FLVCR2: variants seen among roughly 807,000 people sequenced by gnomAD.
The protein encoded by FLVCR2 is choline/ethanolamine transporter FLVCR2.
Under a neutral mutation model 48.9 loss-of-function variants are expected in FLVCR2, and 38 were observed. The ratio of observed to expected loss-of-function variants is 0.78; its 90% CI spans 0.60 to 1.02. The LOEUF (loss-of-function observed/expected upper bound fraction) is 1.02, where lower values mean the gene tolerates loss of function less well. Among genes scored for constraint, FLVCR2 ranks in the 50% least tolerant of loss-of-function variants. The pLI, the probability that FLVCR2 is intolerant of heterozygous loss-of-function variation, is 0.00. For missense variants in FLVCR2, 664 were observed against 663.3 expected (o/e 1.00, Z -0.01); for synonymous variants, 255 against 257.0 (o/e 0.99, Z 0.07).
At chr14:75,596,253 C>CTGCTT in intron 1 of FLVCR2, 1 of 593,656 alleles carries the variant, frequency 1.7e-6, no homozygotes, top group Non-Finnish European at 3.0e-6. Context: ...GCATGACTGT[C>CTGCTT]TGCTTTCTAG....
chr14:75,629,279 G>T (rs1239470652), intron 3 of FLVCR2, among the ~76,000 whole-genome samples: 1 of 152,040 alleles, frequency 6.6e-6, no homozygotes, highest in African/African-American at 2.4e-5. Flanking sequence ...TTTATACTAA[G>T]AACTATTATT....
intron 1 of FLVCR2, among the ~76,000 whole-genome samples, chr14:75,591,240 G>T (rs1353843802): frequency 6.6e-6 from 1 of 152,032 alleles, no homozygotes; most frequent in Admixed American, 6.5e-5. Flanking sequence ...ACGGAGTTTC[G>T]CCATGTTGCC....
At chr14:75,599,326 A>ACCC (rs397966103) in intron 1 of FLVCR2, among the ~76,000 whole-genome samples, 220 of 148,220 alleles carry the variant, frequency 1.5e-3, no homozygotes, top group African/African-American at 5.3e-3. Flanking sequence ...AATGTACAAC[A>ACCC]CCCCCCCCCA....
chr14:75,613,686 G>A (rs1376274465), intron 1 of FLVCR2, among the ~76,000 whole-genome samples: 1 of 152,106 alleles, frequency 6.6e-6, no homozygotes, highest in Admixed American at 6.6e-5. Context: ...GAGTAGCTGG[G>A]ATTACAGGTG....
chr14:75,637,418 T>A (rs1332110455), intron 5 of FLVCR2, among the ~76,000 whole-genome samples: 1 of 152,102 alleles, frequency 6.6e-6, no homozygotes, highest in Non-Finnish European at 1.5e-5. Flanking sequence ...TCAGGGGTGA[T>A]GTGTAAAGAA....
chr14:75,612,019 C>A (rs540365271), intron 1 of FLVCR2, among the ~76,000 whole-genome samples: 6 of 152,004 alleles, frequency 3.9e-5, no homozygotes, highest in Admixed American at 6.6e-5. Context: ...TGTTATGTGA[C>A]CTTGGGCAAG....
At chr14:75,599,559 C>T (rs554960866) in intron 1 of FLVCR2, among the ~76,000 whole-genome samples, 1 of 152,266 alleles carries the variant, frequency 6.6e-6, no homozygotes, top group East Asian at 1.9e-4. Context: ...AATGTAATCC[C>T]TGTCAAAATC....
intron 1 of FLVCR2, among the ~76,000 whole-genome samples, chr14:75,619,207 C>G (rs896798356): frequency 4.6e-5 from 7 of 152,008 alleles, no homozygotes; most frequent in Admixed American, 4.6e-4. Flanking sequence ...GTCCTGGTGA[C>G]AGAGTGAGAC....
rs553996736 is a variant in FLVCR2 at position 75,639,591 on chromosome 14, G to A, written c.1235+129G>A. The A allele has an allele frequency of 3.8e-4, 277 of 738,532 alleles. 3 individuals are homozygous for A. The African/African-American group carries it at 4.2e-3, about 11-fold the overall frequency. The allele number at this position is 738,532 out of a possible 1,614,324, so 45.7% of individuals were successfully genotyped here. A position where few individuals can be genotyped will look rare whatever the true frequency, so the allele number is the denominator to read the frequency against. On this transcript the variant is annotated intron_variant, in intron 6 of 9. Transcript: ENST00000238667. ...TGACCTCAGGAGATATGGACATGGT[G>A]CCCAGGGGTCTCGGTAATACTTGTA...
At chr14:75,619,602 T>A (rs1889710571) in intron 1 of FLVCR2, among the ~76,000 whole-genome samples, 1 of 152,054 alleles carries the variant, frequency 6.6e-6, no homozygotes, top group South Asian at 2.1e-4. Flanking sequence ...AGGAAAAAAA[T>A]ATGTATTGAA....
At chr14:75,644,570 T>C (rs1020246028) in intron 9 of FLVCR2, among the ~76,000 whole-genome samples, 4 of 152,204 alleles carry the variant, frequency 2.6e-5, no homozygotes, top group Non-Finnish European at 4.4e-5. Flanking sequence ...TGCTCACCTG[T>C]CTTGTGTCCC....
intron 3 of FLVCR2, among the ~76,000 whole-genome samples, chr14:75,626,379 A>C (rs561373592): frequency 6.6e-6 from 1 of 152,022 alleles, no homozygotes; most frequent in South Asian, 2.1e-4. Flanking sequence ...TCAACAATAC[A>C]TTTTATCTCA....
chr14:75,624,784 G>A (rs1231515674), intron 3 of FLVCR2, 32 bp downstream of exon 3: 8 of 1,612,866 alleles, frequency 5.0e-6, no homozygotes, highest in African/African-American at 2.7e-5. Context: ...GAATGCATTC[G>A]AGCTGGAAAT....
chr14:75,628,122 A>AT (rs11307470), intron 3 of FLVCR2, among the ~76,000 whole-genome samples: 108 of 149,772 alleles, frequency 7.2e-4, no homozygotes, highest in African/African-American at 1.4e-3. Context: ...AACAAAAACA[A>AT]TTTTTTTTTT....
chr14:75,605,741 T>A, intron 1 of FLVCR2: 1 of 972,484 alleles, frequency 1.0e-6, no homozygotes, highest in Non-Finnish European at 1.6e-6. Flanking sequence ...AGAGAGGAGT[T>A]GAACACAAGT....
chr14:75,623,437 C>T (rs1889813186), intron 2 of FLVCR2, among the ~76,000 whole-genome samples: 1 of 151,934 alleles, frequency 6.6e-6, no homozygotes, highest in Non-Finnish European at 1.5e-5. Context: ...CAGTTAGTCA[C>T]CTGTCTAAAG....
At chr14:75,622,756 G>A (rs60943375) in intron 2 of FLVCR2, among the ~76,000 whole-genome samples, 8,817 of 151,648 alleles carry the variant, frequency 0.058, 528 homozygotes, top group East Asian at 0.33. Context: ...AACTGAAATT[G>A]ATCCATAAAA....
At chr14:75,612,552 C>T (rs1370374423) in intron 1 of FLVCR2, among the ~76,000 whole-genome samples, 3 of 152,140 alleles carry the variant, frequency 2.0e-5, no homozygotes, top group Non-Finnish European at 4.4e-5. Flanking sequence ...TCCTTGATCC[C>T]GAGTTGACCT....
At chr14:75,607,047 G>A (rs777616352) in intron 1 of FLVCR2, among the ~76,000 whole-genome samples, 20 of 152,174 alleles carry the variant, frequency 1.3e-4, no homozygotes, top group Non-Finnish European at 2.2e-4. Context: ...TCCTTCTAGG[G>A]ATTCTGATGC....
Sources: allele counts gnomAD v4.1 joint callset (sites outside exome capture counted in the v4.1 genomes callset), GRCh38; gene constraint gnomAD v4.1.1; transcripts MANE v1.5; gene names NCBI Gene and HGNC (gene_info 2026-07-23, HGNC 2026-07-21).